Variants in DPP10 observed in about 807,000 individuals in gnomAD.
DPP10 encodes the protein inactive dipeptidyl peptidase 10.
In DPP10, 33 loss-of-function variants were observed where a neutral mutation model predicts 120.9. That is an observed-to-expected ratio of 0.27 (90% CI 0.21 to 0.37). The LOEUF (loss-of-function observed/expected upper bound fraction) is 0.37, where lower values mean the gene tolerates loss of function less well. Among genes scored for constraint, DPP10 ranks in the 10% least tolerant of loss-of-function variants. The probability of loss-of-function intolerance (pLI) is 1.00; values close to 1 mark genes in which losing one functional copy is unlikely to be tolerated. For synonymous variants in DPP10, 337 were observed against 326.1 expected, an observed-to-expected ratio of 1.03 and a Z score of -0.36; for missense variants, 816 against 942.8, an observed-to-expected ratio of 0.87 and a Z score of 1.76.
At chr2:115,192,865 A>C (rs67070696) in intron 1 of DPP10, among the ~76,000 whole-genome samples, 40,601 of 151,154 alleles carry the variant, frequency 0.27, 5,699 homozygotes, top group East Asian at 0.41. Context: ...TTTTAATAAA[A>C]AATTAAAATA....
intron 5 of DPP10, among the ~76,000 whole-genome samples, chr2:115,627,591 G>T (rs1361341857): frequency 6.6e-6 from 1 of 152,082 alleles, no homozygotes; most frequent in East Asian, 1.9e-4. Context: ...ATAGGTAAAC[G>T]TGTGCTATGG....
intron 5 of DPP10, among the ~76,000 whole-genome samples, chr2:115,548,187 T>C (rs577147918): frequency 6.6e-6 from 1 of 152,316 alleles, no homozygotes; most frequent in East Asian, 1.9e-4. Flanking sequence ...CTCTGTTTTT[T>C]ATGGTTACAT....
intron 4 of DPP10, among the ~76,000 whole-genome samples, chr2:115,504,823 G>T (rs1049749955): frequency 6.6e-6 from 1 of 151,994 alleles, no homozygotes; most frequent in Non-Finnish European, 1.5e-5. Context: ...ATTAAAACAG[G>T]GAAATTAGAA....
Position 114,834,693 on chromosome 2 carries a change from A to AT in DPP10, c.60+391855_60+391856insT, listed in dbSNP as rs1235620042. 1.3e-4 allele frequency among the ~76,000 whole-genome samples: 17 copies of AT among 127,168 alleles called. 5 individuals are homozygous for AT. Among genetic ancestry groups the AT allele is most frequent in the Non-Finnish European group, 1.9e-4 (11 of 59,220 alleles). The allele number at this position is 127,168 out of a possible 152,430, so 83.4% of individuals were successfully genotyped here. On this transcript the variant is annotated intron_variant, in intron 1 of 25. Coordinates refer to ENST00000410059, the MANE Select transcript of DPP10 (RefSeq NM_020868.6). ...CATATCTACACACCTATGTATATAT[A>AT]AGACATATCTACACACCTATGTATA...
chr2:114,554,651 A>G (rs534811511), intron 1 of DPP10, among the ~76,000 whole-genome samples: 3 of 152,176 alleles, frequency 2.0e-5, no homozygotes, highest in Non-Finnish European at 4.4e-5. Flanking sequence ...ACAGTTTCTT[A>G]TAGAGAACAC....
At chr2:115,295,513 C>G (rs1468295165) in intron 1 of DPP10, among the ~76,000 whole-genome samples, 1 of 152,036 alleles carries the variant, frequency 6.6e-6, no homozygotes, top group Non-Finnish European at 1.5e-5. Flanking sequence ...GAAGTTAAAA[C>G]ACACACAAAT....
chr2:115,381,215 C>T (rs1256309031), intron 3 of DPP10, among the ~76,000 whole-genome samples: 1 of 152,180 alleles, frequency 6.6e-6, no homozygotes, highest in African/African-American at 2.4e-5. Context: ...TTGGTCTTTT[C>T]CCTTAGTCCC....
intron 1 of DPP10, among the ~76,000 whole-genome samples, chr2:114,892,995 C>T (rs759040413): frequency 7.9e-5 from 12 of 152,100 alleles, no homozygotes; most frequent in African/African-American, 1.4e-4. Flanking sequence ...TTTTCTTAGG[C>T]GTATTCCATG....
chr2:115,391,513 T>A (rs1344211777), intron 3 of DPP10, among the ~76,000 whole-genome samples: 1 of 152,152 alleles, frequency 6.6e-6, no homozygotes, highest in Non-Finnish European at 1.5e-5. Flanking sequence ...GAATCTGGAT[T>A]TGAGACCTGG....
intron 4 of DPP10, among the ~76,000 whole-genome samples, chr2:115,516,472 C>G (rs1224855946): frequency 6.6e-6 from 1 of 151,556 alleles, no homozygotes; most frequent in African/African-American, 2.4e-5. Context: ...GCAAATCAAT[C>G]TATTATTAGG....
chr2:115,194,271 CT>C (rs2055092824), intron 1 of DPP10, among the ~76,000 whole-genome samples: 1 of 151,944 alleles, frequency 6.6e-6, no homozygotes, highest in African/African-American at 2.4e-5. Context: ...GTTGCCCGAG[CT>C]AGAGTGCAAT....
chr2:114,511,451 A>G (rs1380033458), intron 1 of DPP10, among the ~76,000 whole-genome samples: 1 of 152,214 alleles, frequency 6.6e-6, no homozygotes, highest in Non-Finnish European at 1.5e-5. Context: ...CTTGCACTAA[A>G]ATGAGCAATT....
intron 5 of DPP10, among the ~76,000 whole-genome samples, chr2:115,687,018 A>T (rs181910888): frequency 4.6e-5 from 7 of 152,060 alleles, no homozygotes; most frequent in Admixed American, 4.6e-4. Context: ...AGCCGTATGG[A>T]AGGGGAGTTT....
intron 1 of DPP10, among the ~76,000 whole-genome samples, chr2:115,003,885 G>A (rs1321508603): frequency 6.6e-6 from 1 of 152,060 alleles, no homozygotes; most frequent in Non-Finnish European, 1.5e-5. Context: ...AATAGTACAT[G>A]TAAATATTAC....
chr2:115,404,272 C>G (rs2104516378), intron 3 of DPP10, among the ~76,000 whole-genome samples: 1 of 152,170 alleles, frequency 6.6e-6, no homozygotes, highest in East Asian at 1.9e-4. Flanking sequence ...GTACCACATA[C>G]TTTTAAATGA....
chr2:115,047,415 A>T (rs1371011895), intron 1 of DPP10, among the ~76,000 whole-genome samples: 1 of 151,996 alleles, frequency 6.6e-6, no homozygotes. Context: ...TGAAAAAAAC[A>T]GTGTATTCAA....
chr2:115,362,889 T>G (rs981972990), intron 3 of DPP10, among the ~76,000 whole-genome samples: 3 of 152,208 alleles, frequency 2.0e-5, no homozygotes, highest in African/African-American at 7.2e-5. Flanking sequence ...TTGATTTGAT[T>G]GGCCATATGG....
chr2:115,489,111 TTTTA>T (rs1200283927), intron 3 of DPP10, among the ~76,000 whole-genome samples: 1 of 152,128 alleles, frequency 6.6e-6, no homozygotes, highest in Non-Finnish European at 1.5e-5. Flanking sequence ...CCAGCAAACT[TTTTA>T]TTTAAAGAAC....
At chr2:115,338,908 C>T (rs2063303380) in intron 2 of DPP10, among the ~76,000 whole-genome samples, 1 of 152,100 alleles carries the variant, frequency 6.6e-6, no homozygotes. Context: ...CATTGTTAGA[C>T]TTGACAGCAA....
Sources: gnomAD v4.1 joint callset for allele counts (sites outside exome capture counted in the v4.1 genomes callset) on GRCh38, gnomAD v4.1.1 for gene constraint, MANE v1.5 for transcripts, NCBI Gene and HGNC (gene_info 2026-07-23, HGNC 2026-07-21) for gene names.